Variants in SSBP3 observed in about 807,000 individuals in gnomAD.
SSBP3 encodes the protein single-stranded DNA-binding protein 3.
SSBP3 carries 5 observed loss-of-function variants against 69.6 expected under a neutral mutation model. The observed-to-expected ratio is 0.07, with a 90% CI of 0.04 to 0.15. The LOEUF is 0.15. SSBP3 is among the 10% of genes least tolerant of loss of function. The pLI is 1.00. For synonymous variants in SSBP3, 196 were observed against 193.4 expected (o/e 1.01, Z -0.11); for missense variants, 312 against 534.0 (o/e 0.58, Z 4.10).
chr1:54,297,404 C>A (rs1188989268), intron 4 of SSBP3, among the ~76,000 whole-genome samples: 1 of 152,138 alleles, frequency 6.6e-6, no homozygotes, highest in African/African-American at 2.4e-5. Context: ...CCAAGGCGGG[C>A]GGATCACTTG....
chr1:54,316,720 AAAAT>A (rs1646121235), intron 4 of SSBP3, among the ~76,000 whole-genome samples: 3 of 149,512 alleles, frequency 2.0e-5, no homozygotes, highest in African/African-American at 7.4e-5. Context: ...AAAATAAAAT[AAAAT>A]AAAATAAAAA....
intron 5 of SSBP3, among the ~76,000 whole-genome samples, chr1:54,272,681 G>C (rs980571949): frequency 6.6e-6 from 1 of 152,240 alleles, no homozygotes; most frequent in Middle Eastern, 3.4e-3. Context: ...GAGCAGCCAC[G>C]GTACAGTGCT....
At chr1:54,272,664 G>C (rs1021418452) in intron 5 of SSBP3, among the ~76,000 whole-genome samples, 6 of 152,152 alleles carry the variant, frequency 3.9e-5, no homozygotes, top group Admixed American at 3.9e-4. Context: ...CCTCGTGGGG[G>C]CAGAGGGAGC....
intron 4 of SSBP3, among the ~76,000 whole-genome samples, chr1:54,382,327 G>A (rs1647716205): frequency 6.6e-6 from 1 of 152,112 alleles, no homozygotes; most frequent in Non-Finnish European, 1.5e-5. Flanking sequence ...CTCCCACCTT[G>A]GCCTCCCAAA....
At chr1:54,325,599 C>T (rs1334487187) in intron 4 of SSBP3, among the ~76,000 whole-genome samples, 6 of 152,194 alleles carry the variant, frequency 3.9e-5, no homozygotes, top group Non-Finnish European at 8.8e-5. Flanking sequence ...TATCAGATTA[C>T]GACACCATCA....
At chr1:54,388,349 C>G (rs1270812823) in intron 4 of SSBP3, among the ~76,000 whole-genome samples, 1 of 152,216 alleles carries the variant, frequency 6.6e-6, no homozygotes, top group Non-Finnish European at 1.5e-5. Context: ...TCTCTGAGCC[C>G]TGGCTTCCTC....
intron 4 of SSBP3, among the ~76,000 whole-genome samples, chr1:54,316,267 C>T (rs903884689): frequency 4.6e-5 from 7 of 152,048 alleles, no homozygotes; most frequent in African/African-American, 1.2e-4. Flanking sequence ...GGTATGAACT[C>T]GGGAAGTGGA....
intron 4 of SSBP3, among the ~76,000 whole-genome samples, chr1:54,357,462 C>G (rs1036621370): frequency 6.6e-6 from 1 of 152,132 alleles, no homozygotes; most frequent in Non-Finnish European, 1.5e-5. Context: ...AGGGTGCTAG[C>G]ACTATTTGTG....
chr1:54,233,001 A>AC (rs752448959), intron 14 of SSBP3, among the ~76,000 whole-genome samples: 181 of 151,338 alleles, frequency 1.2e-3, no homozygotes, highest in Non-Finnish European at 1.8e-3. Flanking sequence ...CCCGGCCGCC[A>AC]CCCGTCTGGG....
At chr1:54,371,035 C>T (rs1356321445) in intron 4 of SSBP3, among the ~76,000 whole-genome samples, 1 of 152,130 alleles carries the variant, frequency 6.6e-6, no homozygotes, top group African/African-American at 2.4e-5. Flanking sequence ...TCTCCAGTGG[C>T]GGCTGGATGG....
chr1:54,297,409 C>A (rs1645721432), intron 4 of SSBP3, among the ~76,000 whole-genome samples: 1 of 152,202 alleles, frequency 6.6e-6, no homozygotes, highest in Non-Finnish European at 1.5e-5. Flanking sequence ...GCGGGCGGAT[C>A]ACTTGAGGTC....
At chr1:54,231,003 C>T (rs927786024) in intron 14 of SSBP3, among the ~76,000 whole-genome samples, 1 of 152,208 alleles carries the variant, frequency 6.6e-6, no homozygotes, top group Non-Finnish European at 1.5e-5. Flanking sequence ...TGTGGACATA[C>T]GTTTTCATTT....
intron 4 of SSBP3, among the ~76,000 whole-genome samples, chr1:54,293,930 A>G (rs1645652145): frequency 6.6e-6 from 1 of 152,096 alleles, no homozygotes; most frequent in African/African-American, 2.4e-5. Context: ...TGAGGTCAGG[A>G]GTTTGAGACC....
upstream of SSBP3, chr1:54,406,564 C>A (rs921047551): frequency 2.0e-5 from 3 of 151,936 alleles, no homozygotes; most frequent in African/African-American, 7.2e-5. Flanking sequence ...GCGGCCGCCT[C>A]CGCGGAGCCG....
intron 4 of SSBP3, among the ~76,000 whole-genome samples, chr1:54,386,560 C>G (rs576573552): frequency 2.6e-5 from 4 of 151,920 alleles, no homozygotes; most frequent in African/African-American, 7.3e-5. Context: ...GGGGAAGCAA[C>G]GACACAGCAT....
chr1:54,228,303 A>G, exon 17 of SSBP3: 8 of 1,614,008 alleles, frequency 5.0e-6, no homozygotes, highest in Non-Finnish European at 6.8e-6. Flanking sequence ...GCTCGCCGTC[A>G]TCTCGAGGGG....
chr1:54,227,093 G>A (rs954852114), exon 18 of SSBP3: 5 of 1,560,982 alleles, frequency 3.2e-6, no homozygotes, highest in Non-Finnish European at 4.4e-6. Context: ...CTTCCCGCCT[G>A]CAATGCCTGC....
At position 54,345,317 on chromosome 1, in the gene SSBP3, T is replaced by A. The variant is rs575814294; in HGVS notation, c.276+56544A>T. Among the ~76,000 whole-genome samples the A allele has an allele frequency of 1.1e-4, 17 of 152,046 alleles. 1 individual carries two copies. The South Asian group carries it at 3.5e-3, about 32-fold the overall frequency. ...CACTACGCAATATTTGCCCTTCCAA[T>A]AAAACAGTTCCCAGCTACCAAGGCA... On this transcript the variant is annotated intron_variant, in intron 4 of 17. Transcript: ENST00000610401.
chr1:54,393,395 C>G (rs1648637317), intron 4 of SSBP3, among the ~76,000 whole-genome samples: 1 of 152,320 alleles, frequency 6.6e-6, no homozygotes, highest in Admixed American at 6.5e-5. Flanking sequence ...GCACACACCT[C>G]TCACCCCAAC....
Sources: gnomAD v4.1 joint callset for allele counts (sites outside exome capture counted in the v4.1 genomes callset) on GRCh38, gnomAD v4.1.1 for gene constraint, MANE v1.5 for transcripts, NCBI Gene and HGNC (gene_info 2026-07-23, HGNC 2026-07-21) for gene names.